The following LAPTM4B variants were observed in gnomAD, a reference collection of about 807,000 sequenced individuals.
LAPTM4B encodes lysosomal-associated transmembrane protein 4B.
LAPTM4B carries 26 observed loss-of-function variants against 28.5 expected under a neutral mutation model. The ratio of observed to expected loss-of-function variants is 0.91; its 90% CI spans 0.67 to 1.27. LAPTM4B has a LOEUF of 1.27. Among genes scored for constraint, LAPTM4B ranks in the 50% most tolerant of loss-of-function variants. LAPTM4B has a pLI of 0.00. For synonymous variants in LAPTM4B, 109 were observed against 106.4 expected, an observed-to-expected ratio of 1.02 and a Z score of -0.15; for missense variants, 288 against 285.8, an observed-to-expected ratio of 1.01 and a Z score of -0.06.
intron 6 of LAPTM4B, among the ~76,000 whole-genome samples, chr8:97,848,090 C>T (rs967473243): frequency 2.0e-5 from 3 of 152,110 alleles, no homozygotes; most frequent in African/African-American, 7.2e-5. Context: ...GTGGCAAAAC[C>T]CCATCACTAC....
chr8:97,830,858 A>G (rs1817174021), intron 6 of LAPTM4B, among the ~76,000 whole-genome samples: 1 of 152,146 alleles, frequency 6.6e-6, no homozygotes, highest in Admixed American at 6.5e-5. Context: ...GGAAATTGGC[A>G]GCTCAGCGGA....
chr8:97,833,417 T>C (rs1489469131), intron 6 of LAPTM4B, among the ~76,000 whole-genome samples: 9 of 152,002 alleles, frequency 5.9e-5, no homozygotes, highest in Non-Finnish European at 1.5e-5. Context: ...TTTTAAAGAG[T>C]TATTATTTTA....
chr8:97,803,949 T>C (rs1468735048), intron 1 of LAPTM4B, among the ~76,000 whole-genome samples: 1 of 152,230 alleles, frequency 6.6e-6, no homozygotes, highest in Non-Finnish European at 1.5e-5. Context: ...AACCCAAATA[T>C]GATTTTTGTG....
intron 1 of LAPTM4B, among the ~76,000 whole-genome samples, chr8:97,803,743 T>C (rs923950886): frequency 1.1e-4 from 16 of 152,208 alleles, no homozygotes; most frequent in African/African-American, 3.6e-4. Flanking sequence ...ACTCCTGGGC[T>C]CAGGCGATCC....
At chr8:97,782,331 C>T (rs1160676324) in intron 1 of LAPTM4B, among the ~76,000 whole-genome samples, 1 of 124,554 alleles carries the variant, frequency 8.0e-6, no homozygotes, top group East Asian at 2.6e-4. Context: ...CTCTATTGCC[C>T]AGGCTGGAGT....
intron 6 of LAPTM4B, among the ~76,000 whole-genome samples, chr8:97,841,461 G>C (rs1388776829): frequency 6.6e-6 from 1 of 152,194 alleles, no homozygotes; most frequent in Non-Finnish European, 1.5e-5. Flanking sequence ...CCGAGTAGCT[G>C]GGATTACAGG....
Position 97,851,557 on chromosome 8 carries a change from G to A in LAPTM4B, c.*83G>A. The A allele has an allele frequency of 1.0e-6, 1 of 978,664 alleles. No homozygotes were observed. Among genetic ancestry groups the A allele is most frequent in the Non-Finnish European group, 1.6e-6 (1 of 618,982 alleles). The allele number at this position is 978,664 out of a possible 1,614,324, so 60.6% of individuals were successfully genotyped here. Reference sequence around the variant, plus strand: ...AGTTCTGTTATTTCACTTTTGCCATGAGCCTCTCTGAGCTTGTTTGTTGCT... The same window carrying A: ...AGTTCTGTTATTTCACTTTTGCCATAAGCCTCTCTGAGCTTGTTTGTTGCT... On this transcript the variant is annotated 3_prime_UTR_variant, in exon 7 of 7. Coordinates refer to ENST00000521545, the MANE Select transcript of LAPTM4B (RefSeq NM_018407.6).
intron 4 of LAPTM4B, among the ~76,000 whole-genome samples, chr8:97,818,557 G>A (rs1816957328): frequency 1.3e-5 from 2 of 152,190 alleles, no homozygotes; most frequent in Admixed American, 6.5e-5. Context: ...GGTAGTGCTT[G>A]ATTATTTCCC....
chr8:97,796,585 C>T (rs2129751700), intron 1 of LAPTM4B, among the ~76,000 whole-genome samples: 1 of 152,292 alleles, frequency 6.6e-6, no homozygotes, highest in African/African-American at 2.4e-5. Context: ...AGTTTATAAT[C>T]ATTGTATGTT....
chr8:97,834,144 G>GAAAAAAAAAAAAAAAA lies in LAPTM4B; in HGVS notation c.603+9005_603+9006insAAAAAAAAAAAAAAAA, dbSNP rs554058157. Among the ~76,000 whole-genome samples, 55 of 75,294 alleles carry GAAAAAAAAAAAAAAAA rather than the reference G, an allele frequency of 7.3e-4. 4 individuals carry two copies. Among genetic ancestry groups the GAAAAAAAAAAAAAAAA allele is most frequent in the Non-Finnish European group, 9.7e-4 (32 of 33,038 alleles). The allele number at this position is 75,294 out of a possible 152,430, so 49.4% of individuals were successfully genotyped here. ...ACATAGTGAGACCCCTGTCTCTACA[G>GAAAAAAAAAAAAAAAA]AAAAAAAAAAAAAATCCAGGTGGCA... is the stretch of plus-strand genomic sequence containing the variant. On this transcript the variant is annotated intron_variant, in intron 6 of 6. Transcript: ENST00000521545.
At chr8:97,793,766 C>T (rs934024975) in intron 1 of LAPTM4B, among the ~76,000 whole-genome samples, 1 of 152,130 alleles carries the variant, frequency 6.6e-6, no homozygotes, top group African/African-American at 2.4e-5. Context: ...TCAGGATAAA[C>T]ACTGCAGCTG....
intron 1 of LAPTM4B, among the ~76,000 whole-genome samples, chr8:97,791,635 GATT>G (rs953470652): frequency 6.6e-6 from 1 of 152,170 alleles, no homozygotes; most frequent in Non-Finnish European, 1.5e-5. Flanking sequence ...TGCTGCCAGG[GATT>G]GGTTTAGCAG....
chr8:97,792,391 A>G (rs1816513563), intron 1 of LAPTM4B, among the ~76,000 whole-genome samples: 1 of 151,964 alleles, frequency 6.6e-6, no homozygotes, highest in Admixed American at 6.6e-5. Flanking sequence ...GGCAGCTGGG[A>G]CTACAGGTGC....
intron 2 of LAPTM4B, 43 bp downstream of exon 2, chr8:97,805,507 G>T (rs1816746390): frequency 9.7e-7 from 1 of 1,035,176 alleles, no homozygotes; most frequent in Non-Finnish European, 1.5e-6. Context: ...CAGGGAATCT[G>T]ACTGCCAGCA....
At chr8:97,811,675 G>A (rs1015654977) in intron 2 of LAPTM4B, among the ~76,000 whole-genome samples, 9 of 152,092 alleles carry the variant, frequency 5.9e-5, no homozygotes, top group South Asian at 4.1e-4. Context: ...TTCACATACC[G>A]CAGACTAACT....
intron 6 of LAPTM4B, among the ~76,000 whole-genome samples, chr8:97,833,582 GGTT>G (rs918169684): frequency 6.6e-6 from 1 of 152,114 alleles, no homozygotes; most frequent in African/African-American, 2.4e-5. Flanking sequence ...GAAGAAATTA[GGTT>G]GTCCCACAGT....
intron 4 of LAPTM4B, among the ~76,000 whole-genome samples, chr8:97,818,406 G>T (rs142745334): frequency 6.6e-6 from 1 of 152,296 alleles, no homozygotes; most frequent in African/African-American, 2.4e-5. Flanking sequence ...CCATTCACTT[G>T]CCTAGGCCAG....
intron 1 of LAPTM4B, among the ~76,000 whole-genome samples, chr8:97,799,352 A>G (rs537222124): frequency 3.9e-5 from 6 of 152,324 alleles, no homozygotes; most frequent in South Asian, 2.1e-4. Context: ...CCTGTGAGCT[A>G]AGCAGAGGAG....
intron 5 of LAPTM4B, among the ~76,000 whole-genome samples, chr8:97,823,344 G>GTTTTTTTTTTTTTTTTTTT (rs10561869): frequency 9.2e-6 from 1 of 109,270 alleles, no homozygotes; most frequent in Non-Finnish European, 2.0e-5. Context: ...ATACAATATG[G>GTTTTTTTTTTTTTTTTTTT]TTTTTTTTTT....
Sources: allele counts gnomAD v4.1 joint callset (sites outside exome capture counted in the v4.1 genomes callset), GRCh38; gene constraint gnomAD v4.1.1; transcripts MANE v1.5; gene names NCBI Gene and HGNC (gene_info 2026-07-23, HGNC 2026-07-21).